Variants in TTC39C observed in about 807,000 individuals in gnomAD.
TTC39C encodes the protein tetratricopeptide repeat protein 39C.
TTC39C carries 33 observed loss-of-function variants against 76.3 expected under a neutral mutation model. The ratio of observed to expected loss-of-function variants is 0.43; its 90% CI spans 0.33 to 0.58. The LOEUF is 0.58. TTC39C is among the 20% of genes least tolerant of loss of function. TTC39C has a pLI of 0.04. For missense variants in TTC39C, 595 were observed against 701.4 expected, an observed-to-expected ratio of 0.85 and a Z score of 1.71; for synonymous variants, 254 against 260.6, an observed-to-expected ratio of 0.97 and a Z score of 0.24.
chr18:23,999,671 G>A (rs970182993), intron 1 of TTC39C, among the ~76,000 whole-genome samples: 2 of 152,196 alleles, frequency 1.3e-5, no homozygotes, highest in Non-Finnish European at 2.9e-5. Context: ...TAGCAGCCAT[G>A]CCTAAGCCCA....
chr18:24,109,559 G>A (rs1251588550), intron 6 of TTC39C, among the ~76,000 whole-genome samples: 1 of 152,106 alleles, frequency 6.6e-6, no homozygotes, highest in Admixed American at 6.5e-5. Flanking sequence ...CAGTTGAAAC[G>A]CATGGCTTTA....
At chr18:24,069,670 C>T (rs973416475) in intron 4 of TTC39C, among the ~76,000 whole-genome samples, 2 of 152,086 alleles carry the variant, frequency 1.3e-5, no homozygotes, top group Admixed American at 6.5e-5. Flanking sequence ...AATGGTTTCA[C>T]GTATATTAGG....
intron 4 of TTC39C, among the ~76,000 whole-genome samples, chr18:24,073,589 C>T (rs755635997): frequency 2.0e-5 from 3 of 151,998 alleles, no homozygotes; most frequent in Non-Finnish European, 2.9e-5. Flanking sequence ...GATCATAGCT[C>T]ACTTCAGCCT....
chr18:24,088,624 G>A lies in TTC39C; in HGVS notation c.984+5543G>A, dbSNP rs181480658. Among the ~76,000 whole-genome samples the A allele has an allele frequency of 8.5e-5, 13 of 152,230 alleles. No individual in the cohort carries two copies. In the East Asian group the frequency reaches 1.3e-3, roughly 16 times the overall value. On this transcript the variant is annotated intron_variant, in intron 6 of 13. Coordinates refer to ENST00000317571, the MANE Select transcript of TTC39C (RefSeq NM_001135993.2). ...AGAAGAGACACAGCCCTCTCTGCCC[G>A]TCCACCACTCTGTTGTGTCCTCCCC...
At chr18:24,049,847 T>C (rs2083927103) in intron 1 of TTC39C, among the ~76,000 whole-genome samples, 1 of 152,262 alleles carries the variant, frequency 6.6e-6, no homozygotes, top group Non-Finnish European at 1.5e-5. Context: ...CTATTTTCCC[T>C]ATTGTTATCT....
intron 6 of TTC39C, among the ~76,000 whole-genome samples, chr18:24,101,592 C>T (rs990897123): frequency 2.6e-5 from 4 of 152,064 alleles, no homozygotes; most frequent in Non-Finnish European, 2.9e-5. Flanking sequence ...GCAGCTTGCC[C>T]GTTGAACACC....
intron 1 of TTC39C, among the ~76,000 whole-genome samples, chr18:23,995,552 A>G (rs548869917): frequency 2.5e-3 from 377 of 152,316 alleles, no homozygotes; most frequent in Middle Eastern, 6.8e-3. Flanking sequence ...CCTGAGATCC[A>G]TCTAGGTCGT....
At chr18:24,113,223 C>G (rs1286199641) in intron 6 of TTC39C, 1 of 236,854 alleles carries the variant, frequency 4.2e-6, no homozygotes, top group African/African-American at 2.3e-5. Flanking sequence ...GGGGCATGAA[C>G]AGTTATTGAT....
In TTC39C at chr18:24,006,654, G is replaced by A. The variant is rs1040282426; in HGVS notation, c.-17+13616G>A. Among the ~76,000 whole-genome samples, 2 of 152,242 alleles carry A rather than the reference G, an allele frequency of 1.3e-5. 1 individual carries two copies. Among genetic ancestry groups the A allele is most frequent in the South Asian group, 4.1e-4 (2 of 4,826 alleles). ...AAATTAGTGAGACAGGCGATCTACTGTGGCCCATATCTGAACTCTAAAGGT... is the reference window on the plus strand; with the variant it reads ...AAATTAGTGAGACAGGCGATCTACTATGGCCCATATCTGAACTCTAAAGGT... On this transcript the variant is annotated intron_variant, in intron 1 of 13. Coordinates refer to the TTC39C transcript ENST00000304621.
At chr18:24,082,099 C>T (rs1401794714) in intron 5 of TTC39C, among the ~76,000 whole-genome samples, 1 of 147,934 alleles carries the variant, frequency 6.8e-6, no homozygotes, top group Non-Finnish European at 1.5e-5. Flanking sequence ...CTCACTGCAA[C>T]CTCTGCCTCC....
rs9635903 is a variant in TTC39C at position 24,085,494 on chromosome 18, C to T, written c.984+2413C>T. ...TTTGACATGGTTTTAGTTTGTGCCA[C>T]GACTAATTCCTATAGAGGATTGAGT... On this transcript the variant is annotated intron_variant, in intron 6 of 13. Coordinates refer to ENST00000317571, the MANE Select transcript of TTC39C (RefSeq NM_001135993.2). Among the ~76,000 whole-genome samples the T allele has an allele frequency of 0.014, 2,134 of 152,232 alleles. 125 individuals are homozygous for T. The East Asian group carries it at 0.19, about 14-fold the overall frequency.
intron 1 of TTC39C, among the ~76,000 whole-genome samples, chr18:23,995,262 G>A (rs1017271529): frequency 3.9e-5 from 6 of 152,154 alleles, no homozygotes; most frequent in Non-Finnish European, 5.9e-5. Flanking sequence ...GAGGTCAGGA[G>A]TTTGAGACCA....
intron 6 of TTC39C, among the ~76,000 whole-genome samples, chr18:24,110,582 C>T (rs1392689161): frequency 2.6e-5 from 4 of 152,196 alleles, no homozygotes; most frequent in South Asian, 4.2e-4. Context: ...TCCCACATAC[C>T]GGCAACACTC....
chr18:24,044,225 A>T (rs1282076087), intron 1 of TTC39C, among the ~76,000 whole-genome samples: 1 of 152,112 alleles, frequency 6.6e-6, no homozygotes, highest in Non-Finnish European at 1.5e-5. Flanking sequence ...TTGAATCGGG[A>T]GTCTGAAGAG....
At chr18:24,127,997 CCTCCCTGCTCTT>C (rs1360585393) in intron 10 of TTC39C, among the ~76,000 whole-genome samples, 3 of 152,156 alleles carry the variant, frequency 2.0e-5, no homozygotes, top group Non-Finnish European at 4.4e-5. Flanking sequence ...GGCCATTGTC[CCTCCCTGCTCTT>C]CTCCCTTGCT....
In TTC39C at chr18:24,014,810, G is replaced by C; in HGVS notation, c.-62G>C. ...GCAGGTAGAGCCGGGCTCCGGGCGC[G>C]CGCGGGGCCGCAGCAGCTGCTCCCG... is the stretch of plus-strand genomic sequence containing the variant. On this transcript the variant is annotated 5_prime_UTR_variant, in exon 1 of 14. Transcript: ENST00000317571. 15 of 1,194,240 alleles carry C rather than the reference G, an allele frequency of 1.3e-5. No individual in the cohort carries two copies. Among genetic ancestry groups the C allele is most frequent in the Non-Finnish European group, 1.6e-5 (15 of 958,566 alleles). The allele number at this position is 1,194,240 out of a possible 1,614,324, so 74.0% of individuals were successfully genotyped here. A position where few individuals can be genotyped will look rare whatever the true frequency, so the allele number is the denominator to read the frequency against.
upstream of TTC39C, among the ~76,000 whole-genome samples, chr18:24,011,130 C>G (rs1019389688): frequency 6.6e-6 from 1 of 152,214 alleles, no homozygotes; most frequent in Admixed American, 6.5e-5. Flanking sequence ...TTGTCGCTCT[C>G]ACATCCATTC....
chr18:24,111,238 G>A (rs1268743322), intron 6 of TTC39C, among the ~76,000 whole-genome samples: 1 of 151,890 alleles, frequency 6.6e-6, no homozygotes, highest in African/African-American at 2.4e-5. Flanking sequence ...GAGCCACTGC[G>A]CCCGGCCTCT....
At chr18:23,993,918 G>A (rs2083239535) in intron 1 of TTC39C, among the ~76,000 whole-genome samples, 1 of 152,134 alleles carries the variant, frequency 6.6e-6, no homozygotes, top group Non-Finnish European at 1.5e-5. Context: ...CCACCCTAAT[G>A]GTTCATATGA....
Sources: gnomAD v4.1 joint callset for allele counts (sites outside exome capture counted in the v4.1 genomes callset) on GRCh38, gnomAD v4.1.1 for gene constraint, MANE v1.5 for transcripts, NCBI Gene and HGNC (gene_info 2026-07-23, HGNC 2026-07-21) for gene names.